SSBP3: variants seen among roughly 807,000 people sequenced by gnomAD.
The protein encoded by SSBP3 is single stranded DNA binding protein 3.
In SSBP3, 5 loss-of-function variants were observed where a neutral mutation model predicts 69.6. The observed-to-expected ratio is 0.07, with a 90% CI of 0.04 to 0.15. SSBP3 has a LOEUF of 0.15. Among genes scored for constraint, SSBP3 ranks in the 10% least tolerant of loss-of-function variants. The pLI is 1.00. For synonymous variants in SSBP3, 196 were observed against 193.4 expected (o/e 1.01, Z -0.11); for missense variants, 312 against 534.0 (o/e 0.58, Z 4.10).
chr1:54,337,205 T>G (rs1461199895), intron 4 of SSBP3, among the ~76,000 whole-genome samples: 1 of 151,974 alleles, frequency 6.6e-6, no homozygotes, highest in African/African-American at 2.4e-5. Context: ...GCCACACACC[T>G]CCACCCACCC....
At chr1:54,289,020 C>CAAAAAAAAAA (rs777871964) in intron 4 of SSBP3, among the ~76,000 whole-genome samples, 4 of 43,878 alleles carry the variant, frequency 9.1e-5, no homozygotes, top group African/African-American at 2.0e-4. Context: ...ACTCTGTCTC[C>CAAAAAAAAAA]AAAAAAAAAA....
chr1:54,364,110 G>A (rs1557565850), intron 4 of SSBP3, among the ~76,000 whole-genome samples: 1 of 152,296 alleles, frequency 6.6e-6, no homozygotes, highest in East Asian at 1.9e-4. Context: ...AGGCCCAAGG[G>A]CCTTACTTAT....
intron 4 of SSBP3, among the ~76,000 whole-genome samples, chr1:54,348,394 C>T (rs1237865749): frequency 6.6e-6 from 1 of 152,102 alleles, no homozygotes; most frequent in Non-Finnish European, 1.5e-5. Flanking sequence ...TGCCTTGCCC[C>T]CTCAGCCAGT....
At chr1:54,407,155 G>T (rs1193746213), upstream of SSBP3, among the ~76,000 whole-genome samples, 2 of 152,146 alleles carry the variant, frequency 1.3e-5, no homozygotes, top group South Asian at 2.1e-4. Flanking sequence ...GGGGAGCCGG[G>T]GGGGAGGGGG....
chr1:54,262,472 G>A (rs148205836), intron 5 of SSBP3, among the ~76,000 whole-genome samples: 50 of 152,330 alleles, frequency 3.3e-4, no homozygotes, highest in African/African-American at 9.1e-4. Flanking sequence ...GGAGAGCACC[G>A]AGATGCCGGG....
At chr1:54,395,743 A>C (rs1383853258) in intron 4 of SSBP3, among the ~76,000 whole-genome samples, 1 of 152,214 alleles carries the variant, frequency 6.6e-6, no homozygotes, top group Non-Finnish European at 1.5e-5. Flanking sequence ...ATTTCCAGCC[A>C]AGAAATGACA....
At chr1:54,311,004 A>G (rs946277645) in intron 4 of SSBP3, among the ~76,000 whole-genome samples, 1 of 152,194 alleles carries the variant, frequency 6.6e-6, no homozygotes, top group Non-Finnish European at 1.5e-5. Flanking sequence ...CTCTTGGGCA[A>G]TAAGAAATCT....
chr1:54,351,861 C>T (rs777516748), intron 4 of SSBP3, among the ~76,000 whole-genome samples: 44 of 152,208 alleles, frequency 2.9e-4, no homozygotes, highest in Admixed American at 4.6e-4. Context: ...CAGCTCAGCA[C>T]GCTGCCTATC....
At chr1:54,287,120 C>T (rs1368638953) in intron 4 of SSBP3, 1 of 152,264 alleles carries the variant, frequency 6.6e-6, no homozygotes, top group African/African-American at 2.4e-5. Context: ...TAGCCTGAGA[C>T]CCCCGCTCCA....
At chr1:54,405,805 G>T (rs911206391) in intron 1 of SSBP3, 148 bp downstream of exon 1, 2 of 380,082 alleles carry the variant, frequency 5.3e-6, no homozygotes, top group Non-Finnish European at 7.5e-6. Flanking sequence ...CGCGGCCTCG[G>T]GGAAGGGGCC....
At chr1:54,282,871 C>T (rs1645422247) in intron 4 of SSBP3, among the ~76,000 whole-genome samples, 1 of 152,230 alleles carries the variant, frequency 6.6e-6, no homozygotes, top group Non-Finnish European at 1.5e-5. Flanking sequence ...GAGGAATGAG[C>T]CCCTTGGGGT....
intron 4 of SSBP3, among the ~76,000 whole-genome samples, chr1:54,338,997 T>C (rs1275506078): frequency 6.6e-6 from 1 of 152,196 alleles, no homozygotes; most frequent in South Asian, 2.1e-4. Context: ...TTTTCTCACA[T>C]GCCTTTTATT....
intron 17 of SSBP3, 117 bp downstream of exon 17, chr1:54,228,138 A>G (rs1043690794): frequency 2.4e-5 from 23 of 967,792 alleles, no homozygotes; most frequent in South Asian, 6.7e-5. Flanking sequence ...TGGAAAAACC[A>G]TAACACGGCC....
At chr1:54,366,302 T>C (rs931714161) in intron 4 of SSBP3, among the ~76,000 whole-genome samples, 9 of 152,180 alleles carry the variant, frequency 5.9e-5, no homozygotes, top group Non-Finnish European at 1.2e-4. Context: ...CCCCAGTCCC[T>C]TTCCTGAGTA....
upstream of SSBP3, among the ~76,000 whole-genome samples, chr1:54,408,701 T>G (rs1649914197): frequency 6.6e-6 from 1 of 152,228 alleles, no homozygotes; most frequent in Non-Finnish European, 1.5e-5. Context: ...CTTGATAATC[T>G]GATGTGCTAC....
At chr1:54,392,316 C>G (rs965012590) in intron 4 of SSBP3, among the ~76,000 whole-genome samples, 1 of 152,208 alleles carries the variant, frequency 6.6e-6, no homozygotes, top group Non-Finnish European at 1.5e-5. Context: ...TCTCTTGACC[C>G]AAGTCACTTA....
At chr1:54,397,726 C>CA (rs1648995904) in intron 4 of SSBP3, among the ~76,000 whole-genome samples, 1 of 152,190 alleles carries the variant, frequency 6.6e-6, no homozygotes, top group South Asian at 2.1e-4. Flanking sequence ...CACTGGGAAT[C>CA]AGAGAGGCCT....
intron 4 of SSBP3, among the ~76,000 whole-genome samples, chr1:54,399,363 C>G (rs532811381): frequency 6.6e-6 from 1 of 152,300 alleles, no homozygotes; most frequent in Non-Finnish European, 1.5e-5. Flanking sequence ...CTACCACTTC[C>G]CAGCTGGGAA....
intron 5 of SSBP3, among the ~76,000 whole-genome samples, chr1:54,260,714 G>A (rs1645003441): frequency 6.6e-6 from 1 of 152,072 alleles, no homozygotes; most frequent in Non-Finnish European, 1.5e-5. Flanking sequence ...AGGCTGGTCA[G>A]GGAGGCCCCA....
Sources: gnomAD v4.1 joint callset for allele counts (sites outside exome capture counted in the v4.1 genomes callset) on GRCh38, gnomAD v4.1.1 for gene constraint, MANE v1.5 for transcripts, NCBI Gene and HGNC (gene_info 2026-07-23, HGNC 2026-07-21) for gene names.